UBE2G1: variants seen among roughly 807,000 people sequenced by gnomAD.
The protein encoded by UBE2G1 is ubiquitin-conjugating enzyme E2 G1.
UBE2G1 carries 5 observed loss-of-function variants against 22.7 expected under a neutral mutation model. The observed-to-expected ratio is 0.22, with a 90% CI of 0.12 to 0.46. The LOEUF (loss-of-function observed/expected upper bound fraction) is 0.46, where lower values mean the gene tolerates loss of function less well. Among genes scored for constraint, UBE2G1 ranks in the 20% least tolerant of loss-of-function variants. UBE2G1 has a pLI of 0.99. For missense variants in UBE2G1, 88 were observed against 203.9 expected (o/e 0.43, Z 3.46); for synonymous variants, 74 against 67.5 (o/e 1.10, Z -0.47).
chr17:4,305,868 A>G (rs894661758), intron 2 of UBE2G1, among the ~76,000 whole-genome samples: 2 of 152,194 alleles, frequency 1.3e-5, no homozygotes, highest in Admixed American at 6.5e-5. Context: ...AAAACAATAC[A>G]TACTAGTAAA....
intron 3 of UBE2G1, among the ~76,000 whole-genome samples, chr17:4,292,103 A>T (rs926624234): frequency 6.6e-6 from 1 of 152,036 alleles, no homozygotes; most frequent in Non-Finnish European, 1.5e-5. Flanking sequence ...TGGGAGGCTG[A>T]GGCGGGCGGA....
chr17:4,359,078 G>T (rs970588155), intron 1 of UBE2G1, among the ~76,000 whole-genome samples: 2 of 151,982 alleles, frequency 1.3e-5, no homozygotes, highest in African/African-American at 4.8e-5. Flanking sequence ...TAAAATGCAT[G>T]TACATTCAAA....
At chr17:4,338,604 T>G (rs1469796153) in intron 1 of UBE2G1, among the ~76,000 whole-genome samples, 1 of 152,218 alleles carries the variant, frequency 6.6e-6, no homozygotes, top group Non-Finnish European at 1.5e-5. Context: ...GCCAACTGTG[T>G]ATAGACAGCA....
intron 4 of UBE2G1, among the ~76,000 whole-genome samples, chr17:4,287,138 C>T (rs1448937198): frequency 2.1e-5 from 3 of 144,084 alleles, no homozygotes; most frequent in Non-Finnish European, 4.5e-5. Context: ...GAGTCTTGCA[C>T]TGTTACCCTG....
chr17:4,284,971 A>C (rs560407661), intron 4 of UBE2G1, among the ~76,000 whole-genome samples: 2 of 151,338 alleles, frequency 1.3e-5, no homozygotes, highest in East Asian at 3.9e-4. Flanking sequence ...TCAGCCTCCG[A>C]AGCGTCTAGG....
intron 1 of UBE2G1, among the ~76,000 whole-genome samples, chr17:4,338,930 G>A (rs1229615839): frequency 6.6e-6 from 1 of 152,148 alleles, no homozygotes; most frequent in Non-Finnish European, 1.5e-5. Context: ...AGTGCCTACT[G>A]ACCGAGCACT....
intron 2 of UBE2G1, chr17:4,302,037 C>CA (rs567475811): frequency 6.4e-3 from 2,797 of 435,014 alleles, no homozygotes; most frequent in South Asian, 0.011. Context: ...AGAACAACAA[C>CA]AACAAAAAAA....
intron 1 of UBE2G1, among the ~76,000 whole-genome samples, chr17:4,328,619 CTG>C (rs1019865833): frequency 2.0e-5 from 3 of 152,180 alleles, no homozygotes; most frequent in African/African-American, 7.2e-5. Flanking sequence ...ACAAGTTTAT[CTG>C]TGTGAGGTAC....
At chr17:4,356,217 G>A (rs990288468) in intron 1 of UBE2G1, among the ~76,000 whole-genome samples, 2 of 151,628 alleles carry the variant, frequency 1.3e-5, no homozygotes, top group African/African-American at 2.4e-5. Context: ...AACTAGCTGT[G>A]CCTGGTGGCA....
Position 4,354,441 on chromosome 17 carries a change from C to A in UBE2G1, c.46+11830G>T, listed in dbSNP as rs936737601. Among the ~76,000 whole-genome samples, 7 of 152,112 alleles carry A rather than the reference C, an allele frequency of 4.6e-5. No homozygotes were observed. In the South Asian group the frequency reaches 1.2e-3, roughly 27 times the overall value. On this transcript the variant is annotated intron_variant, in intron 1 of 5. Coordinates refer to ENST00000396981, the MANE Select transcript of UBE2G1 (RefSeq NM_003342.5). ...TCAAAGAACCCTCCGAAATTACATA[C>A]CAAATTATGCATGTGTGCTTTTCTC...
intron 1 of UBE2G1, among the ~76,000 whole-genome samples, chr17:4,348,855 C>CGT (rs1487141718): frequency 6.7e-6 from 1 of 149,840 alleles, no homozygotes; most frequent in Non-Finnish European, 1.5e-5. Flanking sequence ...AACAAGACTC[C>CGT]GTCTCAAAAA....
intron 1 of UBE2G1, among the ~76,000 whole-genome samples, chr17:4,326,239 A>G (rs1969503479): frequency 6.6e-6 from 1 of 152,212 alleles, no homozygotes; most frequent in African/African-American, 2.4e-5. Context: ...CATACAACTC[A>G]ATAACAACAA....
chr17:4,347,469 C>CTTTTTCTTT lies in UBE2G1; in HGVS notation c.46+18801_46+18802insAAAGAAAAA, dbSNP rs1644069509. The stretch of plus-strand genomic sequence containing the variant: ...TTCGGTAATTCTCACAGTATTTCTT[C>CTTTTTCTTT]TTTTTTTTTTTTTTTTTTTTTTGGA... On this transcript the variant is annotated intron_variant, in intron 1 of 5. Coordinates refer to ENST00000396981, the MANE Select transcript of UBE2G1 (RefSeq NM_003342.5). 1.3e-4 allele frequency among the ~76,000 whole-genome samples: 12 copies of CTTTTTCTTT among 89,532 alleles called. No individual in the cohort carries two copies. In the South Asian group the frequency reaches 4.2e-3, roughly 31 times the overall value. 58.7% of individuals were successfully genotyped at this position (89,532 alleles called of 152,430 possible).
chr17:4,324,793 T>G (rs955983605), intron 1 of UBE2G1, among the ~76,000 whole-genome samples: 1 of 152,064 alleles, frequency 6.6e-6, no homozygotes, highest in Non-Finnish European at 1.5e-5. Flanking sequence ...ACAACTAGTT[T>G]AAGGCCGGGC....
rs935148689 is a variant in UBE2G1 at position 4,313,646 on chromosome 17, T to A, written c.47-6523A>T. On this transcript the variant is annotated intron_variant, in intron 1 of 5. Coordinates refer to ENST00000396981, the MANE Select transcript of UBE2G1 (RefSeq NM_003342.5). ...GTATTTCTCTCTCTCTCTCTCTCTGTCTTTTGGAGCAGGAAGTGAGAGTAG... is the reference window on the plus strand; with the variant it reads ...GTATTTCTCTCTCTCTCTCTCTCTGACTTTTGGAGCAGGAAGTGAGAGTAG... Among the ~76,000 whole-genome samples the A allele has an allele frequency of 2.6e-5, 4 of 152,312 alleles. No homozygotes were observed. The South Asian group carries it at 6.2e-4, about 24-fold the overall frequency.
intron 5 of UBE2G1, among the ~76,000 whole-genome samples, chr17:4,277,917 A>ATT (rs754075993): frequency 3.4e-5 from 5 of 145,300 alleles, no homozygotes; most frequent in Admixed American, 1.4e-4. Flanking sequence ...TATCTTTTAC[A>ATT]TTTTTTTTTT....
chr17:4,315,970 G>A (rs902736679), intron 1 of UBE2G1, among the ~76,000 whole-genome samples: 1 of 150,760 alleles, frequency 6.6e-6, no homozygotes. Context: ...ACCACGCCCG[G>A]CTAATTTTTT....
Position 4,270,611 on chromosome 17 carries a change from T to G in UBE2G1, c.*1943A>C, listed in dbSNP as rs926758523. The stretch of plus-strand genomic sequence containing the variant: ...CAAGTCCCTGGAGGGTGTGCAGTGC[T>G]GACATTTTGGGGCAACTATTTTTAC... On this transcript the variant is annotated 3_prime_UTR_variant, in exon 6 of 6. Transcript: ENST00000396981. 4 of 150,294 alleles carry G rather than the reference T, an allele frequency of 2.7e-5. No individual in the cohort carries two copies. Among genetic ancestry groups the G allele is most frequent in the Non-Finnish European group, 5.9e-5 (4 of 67,704 alleles). 9.3% of individuals were successfully genotyped at this position (150,294 alleles called of 1,614,324 possible). A position where few individuals can be genotyped will look rare whatever the true frequency, so the allele number is the denominator to read the frequency against.
chr17:4,364,667 C>A (rs1970012028), intron 1 of UBE2G1, among the ~76,000 whole-genome samples: 2 of 151,414 alleles, frequency 1.3e-5, no homozygotes, highest in Non-Finnish European at 2.9e-5. Context: ...TGCAACGATG[C>A]CTCCCGCGTT....
Sources: allele counts gnomAD v4.1 joint callset (sites outside exome capture counted in the v4.1 genomes callset), GRCh38; gene constraint gnomAD v4.1.1; transcripts MANE v1.5; gene names NCBI Gene and HGNC (gene_info 2026-07-23, HGNC 2026-07-21).